Variants in MAN1C1 observed in about 807,000 individuals in gnomAD.
The protein encoded by MAN1C1 is mannosyl-oligosaccharide 1,2-alpha-mannosidase IC.
A neutral mutation model predicts 71.5 loss-of-function variants in MAN1C1; 49 were observed. The observed-to-expected ratio is 0.69, with a 90% CI of 0.54 to 0.87. The LOEUF is 0.87. MAN1C1 is among the 40% of genes least tolerant of loss of function. The probability of loss-of-function intolerance (pLI) is 0.00; values close to 1 mark genes in which losing one functional copy is unlikely to be tolerated. For missense variants in MAN1C1, 743 were observed against 835.0 expected (o/e 0.89, Z 1.36); for synonymous variants, 352 against 343.7 (o/e 1.02, Z -0.27).
intron 4 of MAN1C1, among the ~76,000 whole-genome samples, chr1:25,750,138 A>G (rs2047194445): frequency 6.6e-6 from 1 of 152,134 alleles, no homozygotes; most frequent in East Asian, 1.9e-4. Context: ...GATGGTTCTG[A>G]TACCCCTTCG....
chr1:25,677,941 G>A (rs531642441), intron 1 of MAN1C1, among the ~76,000 whole-genome samples: 11 of 148,910 alleles, frequency 7.4e-5, no homozygotes, highest in African/African-American at 2.7e-4. Flanking sequence ...TTGACTTAAG[G>A]GTAGCACCAT....
chr1:25,742,092 A>G (rs572959126), intron 2 of MAN1C1, among the ~76,000 whole-genome samples: 3 of 152,326 alleles, frequency 2.0e-5, no homozygotes, highest in Admixed American at 1.3e-4. Context: ...GAGGTTAGCT[A>G]GTGGAACCAG....
At chr1:25,640,386 A>G (rs2045521040) in intron 1 of MAN1C1, among the ~76,000 whole-genome samples, 1 of 152,204 alleles carries the variant, frequency 6.6e-6, no homozygotes. Context: ...TCCTGGGAAG[A>G]CATTTCAGCA....
chr1:25,708,214 A>G (rs1004016857), intron 2 of MAN1C1, among the ~76,000 whole-genome samples: 24 of 152,218 alleles, frequency 1.6e-4, no homozygotes, highest in African/African-American at 5.8e-4. Flanking sequence ...TGGATTATTC[A>G]TGAGTTTTCC....
At chr1:25,732,477 T>A (rs547883907) in intron 2 of MAN1C1, among the ~76,000 whole-genome samples, 438 of 152,290 alleles carry the variant, frequency 2.9e-3, no homozygotes, top group Admixed American at 5.3e-3. Context: ...AATTGCACCC[T>A]CCTCCTCAGG....
intron 2 of MAN1C1, among the ~76,000 whole-genome samples, chr1:25,701,123 T>C (rs2046436665): frequency 6.6e-6 from 1 of 152,366 alleles, no homozygotes; most frequent in South Asian, 2.1e-4. Flanking sequence ...TATTCGTTTA[T>C]GGAGGAAGGG....
At chr1:25,655,804 G>C (rs559828599) in intron 1 of MAN1C1, among the ~76,000 whole-genome samples, 1 of 152,294 alleles carries the variant, frequency 6.6e-6, no homozygotes, top group African/African-American at 2.4e-5. Flanking sequence ...TAATAGGAGA[G>C]TGAATAGGAG....
At chr1:25,651,138 A>G (rs1319118412) in intron 1 of MAN1C1, among the ~76,000 whole-genome samples, 1 of 152,182 alleles carries the variant, frequency 6.6e-6, no homozygotes, top group Non-Finnish European at 1.5e-5. Context: ...AAATCAGCAG[A>G]TCCTGAGGAC....
At chr1:25,760,555 C>G (rs1261506241) in intron 6 of MAN1C1, 1 of 152,232 alleles carries the variant, frequency 6.6e-6, no homozygotes. Flanking sequence ...ATTTGGCCTG[C>G]TTCACTGCTC....
intron 1 of MAN1C1, among the ~76,000 whole-genome samples, chr1:25,663,235 C>G (rs1297789191): frequency 6.7e-6 from 1 of 149,788 alleles, no homozygotes; most frequent in Non-Finnish European, 1.5e-5. Flanking sequence ...AATATGATCT[C>G]CATAGCAGAC....
rs562210387 is a variant in MAN1C1, at chr1:25,630,796, A to G, written c.540+12459A>G. Among the ~76,000 whole-genome samples the G allele has an allele frequency of 3.9e-5, 6 of 152,326 alleles. No individual in the cohort carries two copies. In the South Asian group the frequency reaches 1.2e-3, roughly 32 times the overall value. ...TTTAATGAATTTATTTATCAAATCT[A>G]AGAGTCTTTTGGAGGAATCTTTAGG... On this transcript the variant is annotated intron_variant, in intron 1 of 11. Transcript: ENST00000374332.
rs71004538 is a variant in MAN1C1 at position 25,769,390 on chromosome 1, T to TAC, written c.1142-2249_1142-2248dup. ...ACTCACCCCACACCCCATACATACA[T>TAC]ACACACACACACACACACAAGCTGT... On this transcript the variant is annotated intron_variant, in intron 7 of 11. Coordinates refer to ENST00000374332, the MANE Select transcript of MAN1C1 (RefSeq NM_020379.4). This position sits in a 1 kb window ranked among gnomAD's most constrained non-coding sequence, Gnocchi z 4.8. 0.23 allele frequency among the ~76,000 whole-genome samples: 34,135 copies of TAC among 148,558 alleles called. 4,563 individuals are homozygous for TAC. The highest frequency in any genetic ancestry group is 0.37 in the African/African-American group (14,939 of 40,464).
intron 1 of MAN1C1, chr1:25,644,497 C>CATATATATAT (rs1204408970): frequency 5.5e-4 from 44 of 80,134 alleles, no homozygotes; most frequent in African/African-American, 3.1e-3. Flanking sequence ...GTACCAGAGA[C>CATATATATAT]ATATATATAT....
At chr1:25,726,893 TA>T (rs530911352) in intron 2 of MAN1C1, among the ~76,000 whole-genome samples, 8,125 of 127,052 alleles carry the variant, frequency 0.064, 433 homozygotes, top group African/African-American at 0.17. Context: ...TCATCTCTAT[TA>T]AAAAAAAAAA....
chr1:25,651,820 C>T (rs1181265998), intron 1 of MAN1C1, among the ~76,000 whole-genome samples: 2 of 152,222 alleles, frequency 1.3e-5, no homozygotes, highest in African/African-American at 4.8e-5. Flanking sequence ...AGGCTGATTT[C>T]AGGTGTTTCC....
At chr1:25,622,787 C>T (rs946321031) in intron 1 of MAN1C1, among the ~76,000 whole-genome samples, 1 of 152,226 alleles carries the variant, frequency 6.6e-6, no homozygotes, top group Non-Finnish European at 1.5e-5. Flanking sequence ...TGATATGTGA[C>T]AGTGTCTGAA....
chr1:25,681,283 A>T (rs1040704711), intron 1 of MAN1C1, among the ~76,000 whole-genome samples: 7 of 152,084 alleles, frequency 4.6e-5, no homozygotes, highest in African/African-American at 1.7e-4. Flanking sequence ...ACAGAGCAAA[A>T]TTAGCAAAGG....
At position 25,631,913 on chromosome 1, in the gene MAN1C1, A is replaced by C. The variant is rs942747224; in HGVS notation, c.540+13576A>C. 1.2e-4 allele frequency among the ~76,000 whole-genome samples: 19 copies of C among 152,188 alleles called. No homozygotes were observed. The highest frequency in any genetic ancestry group is 4.6e-4 in the African/African-American group (19 of 41,450). ...CAGCTGCCTGAGTAGCTGGGACTACAGGTGCATGCCACTACGCACGGCTAA... is the reference window on the plus strand; with the variant it reads ...CAGCTGCCTGAGTAGCTGGGACTACCGGTGCATGCCACTACGCACGGCTAA... On this transcript the variant is annotated intron_variant, in intron 1 of 11. Coordinates refer to ENST00000374332, the MANE Select transcript of MAN1C1 (RefSeq NM_020379.4). This position sits in a 1 kb window ranked among gnomAD's most constrained non-coding sequence, Gnocchi z 4.2.
In MAN1C1 at chr1:25,783,567, TA is replaced by T. The variant is rs2047726464; in HGVS notation, c.1767-95del. On this transcript the variant is annotated intron_variant, in intron 11 of 11. Coordinates refer to ENST00000374332, the MANE Select transcript of MAN1C1 (RefSeq NM_020379.4). ...AGGCTCCAGACCTTGACCATAGGCCTATCACAAAGGCCCTGAGACTTGTTCC... is the reference window on the plus strand; with the variant it reads ...AGGCTCCAGACCTTGACCATAGGCCTTCACAAAGGCCCTGAGACTTGTTCC... 2.1e-6 allele frequency: 3 copies of T among 1,414,434 alleles called. No homozygotes were observed. The African/African-American group carries it at 4.2e-5, about 20-fold the overall frequency. The allele number at this position is 1,414,434 out of a possible 1,614,324, so 87.6% of individuals were successfully genotyped here. A position where few individuals can be genotyped will look rare whatever the true frequency, so the allele number is the denominator to read the frequency against.
Sources: gnomAD v4.1 joint callset for allele counts (sites outside exome capture counted in the v4.1 genomes callset) on GRCh38, gnomAD v4.1.1 for gene constraint, Gnocchi (gnomAD v3.1) non-coding constraint, MANE v1.5 for transcripts, NCBI Gene and HGNC (gene_info 2026-07-23, HGNC 2026-07-21) for gene names.